The following PHLPP1 variants were observed in gnomAD, a reference collection of about 807,000 sequenced individuals.
The protein encoded by PHLPP1 is PH domain and leucine rich repeat protein phosphatase 1, also known as PH domain leucine-rich repeat-containing protein phosphatase 1.
Under a neutral mutation model 117.2 loss-of-function variants are expected in PHLPP1, and 42 were observed. That is an observed-to-expected ratio of 0.36 (90% confidence interval 0.28 to 0.46). The LOEUF is 0.46. Ranked by LOEUF, PHLPP1 falls within the 20% of genes least tolerant of loss-of-function variation. PHLPP1 has a pLI of 1.00. For missense variants in PHLPP1, 2,084 were observed against 2,241.9 expected, an observed-to-expected ratio of 0.93 and a Z score of 1.42; for synonymous variants, 1,042 against 970.7, an observed-to-expected ratio of 1.07 and a Z score of -1.37.
intron 10 of PHLPP1, among the ~76,000 whole-genome samples, chr18:62,926,443 A>G (rs1485591210): frequency 6.6e-6 from 1 of 152,160 alleles, no homozygotes; most frequent in East Asian, 1.9e-4. Context: ...TTATCAGAAG[A>G]GTTCTGCCTG....
At chr18:62,775,653 AC>A (rs1288447984) in intron 1 of PHLPP1, among the ~76,000 whole-genome samples, 1 of 152,194 alleles carries the variant, frequency 6.6e-6, no homozygotes, top group African/African-American at 2.4e-5. Context: ...TCGACTAATG[AC>A]ACTATCATTC....
intron 1 of PHLPP1, among the ~76,000 whole-genome samples, chr18:62,736,570 T>C (rs1189923586): frequency 6.6e-6 from 1 of 152,232 alleles, no homozygotes; most frequent in Non-Finnish European, 1.5e-5. Flanking sequence ...CGGATATCAC[T>C]GATTAATTCA....
intron 1 of PHLPP1, among the ~76,000 whole-genome samples, chr18:62,729,998 A>C (rs1911184199): frequency 1.3e-5 from 2 of 152,242 alleles, no homozygotes; most frequent in Non-Finnish European, 2.9e-5. Context: ...CCAGTATTAC[A>C]GATAGAGAAA....
At chr18:62,938,617 T>C (rs1910040054) in intron 10 of PHLPP1, among the ~76,000 whole-genome samples, 1 of 152,256 alleles carries the variant, frequency 6.6e-6, no homozygotes, top group Non-Finnish European at 1.5e-5. Flanking sequence ...GATGATGTCC[T>C]TTGGAACCAC....
intron 10 of PHLPP1, among the ~76,000 whole-genome samples, chr18:62,923,036 A>G (rs1430302108): frequency 2.0e-5 from 3 of 152,214 alleles, no homozygotes; most frequent in African/African-American, 7.2e-5. Context: ...TGGAACGTGA[A>G]TGTGAACTGA....
Position 62,865,833 on chromosome 18 carries a change from A to C in PHLPP1, c.2066+5232A>C, listed in dbSNP as rs562341131. 2.9e-4 allele frequency among the ~76,000 whole-genome samples: 44 copies of C among 152,314 alleles called. 1 individual carries two copies. The South Asian group carries it at 6.0e-3, about 21-fold the overall frequency. On this transcript the variant is annotated intron_variant, in intron 4 of 16. Transcript: ENST00000262719. Reference sequence around the variant, plus strand: ...ACTTATAAGTGGGTGTCAAGTGATGAGAATACATGGACACATAGAGGGGAA... The same window carrying C: ...ACTTATAAGTGGGTGTCAAGTGATGCGAATACATGGACACATAGAGGGGAA...
intron 1 of PHLPP1, among the ~76,000 whole-genome samples, chr18:62,821,171 C>T (rs1914444494): frequency 6.6e-6 from 1 of 152,144 alleles, no homozygotes; most frequent in Admixed American, 6.5e-5. Context: ...TTGGCTCACG[C>T]CTGTAATCCC....
At chr18:62,879,720 T>C (rs561315725) in intron 4 of PHLPP1, among the ~76,000 whole-genome samples, 33 of 152,332 alleles carry the variant, frequency 2.2e-4, no homozygotes, top group Admixed American at 1.3e-3. Context: ...TATTCTGTTA[T>C]AGCAACACAA....
In PHLPP1 at chr18:62,940,354, C is replaced by CTTTTTTTTTTTTTTTTTT. The variant is rs66530466; in HGVS notation, c.2961-1353_2961-1336dup. ...ATCCACGTTTCTTTTTCTTTCTTTT[C>CTTTTTTTTTTTTTTTTTT]TTTTTTTTTTTTTTTTTTTTTTTTT... is the stretch of plus-strand genomic sequence containing the variant. On this transcript the variant is annotated intron_variant, in intron 10 of 16. Transcript: ENST00000262719. 1.1e-3 allele frequency among the ~76,000 whole-genome samples: 50 copies of CTTTTTTTTTTTTTTTTTT among 46,826 alleles called. 4 individuals are homozygous for CTTTTTTTTTTTTTTTTTT. The highest frequency in any genetic ancestry group is 3.1e-3 in the East Asian group (4 of 1,274). 30.7% of individuals were successfully genotyped at this position (46,826 alleles called of 152,430 possible).
chr18:62,970,796 T>G (rs188829676), intron 14 of PHLPP1, among the ~76,000 whole-genome samples: 10 of 152,188 alleles, frequency 6.6e-5, no homozygotes, highest in Non-Finnish European at 1.5e-4. Context: ...TGAGGAAATG[T>G]TTCTGTTCAC....
At chr18:62,795,149 G>T (rs1913587622) in intron 1 of PHLPP1, among the ~76,000 whole-genome samples, 1 of 151,928 alleles carries the variant, frequency 6.6e-6, no homozygotes, top group Non-Finnish European at 1.5e-5. Flanking sequence ...ATTCTTAATT[G>T]GTTTTTTACA....
At chr18:62,788,917 T>C (rs969768293) in intron 1 of PHLPP1, among the ~76,000 whole-genome samples, 1 of 152,192 alleles carries the variant, frequency 6.6e-6, no homozygotes, top group Non-Finnish European at 1.5e-5. Flanking sequence ...TTTCATCTTG[T>C]TGTTAGCAAA....
At chr18:62,805,665 T>C (rs1913929295) in intron 1 of PHLPP1, among the ~76,000 whole-genome samples, 1 of 152,178 alleles carries the variant, frequency 6.6e-6, no homozygotes, top group Admixed American at 6.5e-5. Context: ...CCGACCTTTT[T>C]CCACTGTCTT....
At position 62,958,646 on chromosome 18, in the gene PHLPP1, T is replaced by G. The variant is rs1319085703; in HGVS notation, c.3342T>G (p.Cys1114Trp). 1 of 1,613,942 alleles carries G rather than the reference T, an allele frequency of 6.2e-7. No individual in the cohort carries two copies. ...LPEIKCVDLS[C>W]NELSEVTLPE... The stretch of plus-strand genomic sequence containing the variant: ...TTTTTCAGTGTGTGGACCTGAGCTG[T>G]AATGAGCTAAGTGAAGTCACATTAC... The change falls in exon 13 of 17, where the codon TGT becomes TGG. Residue 1114 changes from cysteine (C) to tryptophan (W), a missense_variant. Around this residue, in one of 2 missense-constraint regions of PHLPP1, gnomAD observed 1,365 missense variants for 1,605.9 expected, o/e 0.85. Coordinates refer to ENST00000262719, the MANE Select transcript of PHLPP1 (RefSeq NM_194449.4).
chr18:62,862,686 T>C (rs1915662683), intron 4 of PHLPP1, among the ~76,000 whole-genome samples: 1 of 152,208 alleles, frequency 6.6e-6, no homozygotes, highest in Admixed American at 6.5e-5. Context: ...GTGTTTTCCT[T>C]GAGATGACTA....
chr18:62,973,062 T>A (rs769229430), intron 15 of PHLPP1, among the ~76,000 whole-genome samples: 2 of 152,240 alleles, frequency 1.3e-5, no homozygotes, highest in Non-Finnish European at 2.9e-5. Context: ...GACTTTCTGT[T>A]GTGGGGACCT....
intron 1 of PHLPP1, among the ~76,000 whole-genome samples, chr18:62,772,340 T>C (rs1020388055): frequency 2.0e-5 from 3 of 152,106 alleles, no homozygotes; most frequent in Non-Finnish European, 4.4e-5. Context: ...CTGTTCTGTT[T>C]TCTTTATTTT....
At chr18:62,762,974 T>G (rs908742747) in intron 1 of PHLPP1, among the ~76,000 whole-genome samples, 2 of 152,228 alleles carry the variant, frequency 1.3e-5, no homozygotes, top group Admixed American at 1.3e-4. Flanking sequence ...AAATATAAAT[T>G]GTAAAATATC....
At chr18:62,893,033 A>G (rs187976672) in intron 4 of PHLPP1, among the ~76,000 whole-genome samples, 4 of 151,748 alleles carry the variant, frequency 2.6e-5, no homozygotes, top group Admixed American at 6.6e-5. Flanking sequence ...AATAATCAGA[A>G]TAGTGGATAG....
Sources: allele counts gnomAD v4.1 joint callset (sites outside exome capture counted in the v4.1 genomes callset), GRCh38; gene constraint gnomAD v4.1.1; regional missense constraint gnomAD v4.1.1; transcripts MANE v1.5; gene names NCBI Gene and HGNC (gene_info 2026-07-23, HGNC 2026-07-21).